Variants in GLI2 observed in about 807,000 individuals in gnomAD.
The protein encoded by GLI2 is transcription activator GLI2.
GLI2 carries 22 observed loss-of-function variants against 78.9 expected under a neutral mutation model. That is an observed-to-expected ratio of 0.28 (90% CI 0.20 to 0.40). The LOEUF (loss-of-function observed/expected upper bound fraction) is 0.40, where lower values mean the gene tolerates loss of function less well. GLI2 is among the 10% of genes least tolerant of loss of function. The pLI is 1.00. For missense variants in GLI2, 2,097 were observed against 2,213.2 expected (o/e 0.95, Z 1.05); for synonymous variants, 974 against 963.7 (o/e 1.01, Z -0.20).
At chr2:120,752,141 T>C (rs1325829787) in intron 1 of GLI2, among the ~76,000 whole-genome samples, 1 of 152,222 alleles carries the variant, frequency 6.6e-6, no homozygotes, top group Non-Finnish European at 1.5e-5. Context: ...ATCATACTAC[T>C]GCAGTGTTTG....
Position 120,797,414 on chromosome 2 carries a change from G to T in GLI2, c.94G>T (p.Ala32Ser), listed in dbSNP as rs1013531220. 4.3e-6 allele frequency: 7 copies of T among 1,614,072 alleles called. No homozygotes were observed. Among genetic ancestry groups the T allele is most frequent in the Non-Finnish European group, 5.1e-6 (6 of 1,179,964 alleles). ...TGGCTTCCCCGACCCGGGTAAAAAG[G>T]CCTCTCCTTTGGTGGTGGCTGCAGC... is the stretch of plus-strand genomic sequence containing the variant. Reference protein sequence around the residue: ...AAGFPDPGKKASPLVVAAAAA... With the variant: ...AAGFPDPGKKSSPLVVAAAAA... Residue 32 changes from alanine (A) to serine (S), a missense_variant, in exon 2 of 14, where the codon GCC becomes TCC. Transcript: ENST00000361492.
intron 2 of GLI2, among the ~76,000 whole-genome samples, chr2:120,916,574 G>A (rs917610438): frequency 6.6e-6 from 1 of 152,282 alleles, no homozygotes; most frequent in African/African-American, 2.4e-5. Context: ...AGCTGTGGCA[G>A]TGGCTTACAC....
intron 8 of GLI2, among the ~76,000 whole-genome samples, chr2:120,972,443 C>T (rs967480202): frequency 6.6e-5 from 10 of 152,192 alleles, no homozygotes; most frequent in Admixed American, 6.5e-5. Context: ...AGGCTGCTGT[C>T]GCTCTTGGAA....
At chr2:120,902,348 A>G (rs190739636) in intron 2 of GLI2, among the ~76,000 whole-genome samples, 606 of 152,258 alleles carry the variant, frequency 4.0e-3, no homozygotes, top group Non-Finnish European at 6.0e-3. Flanking sequence ...AGAAGAAGCA[A>G]TGGTGGTTAA....
intron 13 of GLI2, 56 bp from the exon 14 acceptor site, chr2:120,988,152 C>T: frequency 6.6e-7 from 1 of 1,506,190 alleles, no homozygotes; most frequent in Non-Finnish European, 8.9e-7. Context: ...TGAGCACGGT[C>T]AAAGCAAGCA....
intron 1 of GLI2, among the ~76,000 whole-genome samples, chr2:120,785,157 G>A (rs550964982): frequency 1.3e-5 from 2 of 152,294 alleles, no homozygotes; most frequent in East Asian, 1.9e-4. Context: ...CGATGAGGTG[G>A]CTGCCAGGAG....
intron 2 of GLI2, among the ~76,000 whole-genome samples, chr2:120,897,187 C>T (rs952061099): frequency 3.3e-5 from 5 of 152,222 alleles, no homozygotes; most frequent in African/African-American, 7.2e-5. Flanking sequence ...TGGTCTTGTC[C>T]GGGTCAGCCT....
At chr2:120,953,080 A>G (rs1681074877) in intron 4 of GLI2, among the ~76,000 whole-genome samples, 1 of 152,236 alleles carries the variant, frequency 6.6e-6, no homozygotes, top group Admixed American at 6.5e-5. Flanking sequence ...CTAATCCCCA[A>G]ACCTGTGGGT....
chr2:120,918,156 G>A (rs566466983), intron 2 of GLI2, among the ~76,000 whole-genome samples: 2 of 152,336 alleles, frequency 1.3e-5, no homozygotes, highest in African/African-American at 4.8e-5. Flanking sequence ...GAGCTGGGCT[G>A]GGTGGAGCCC....
At chr2:120,886,198 GTGTGTGTGTGTGCGTGTA>G (rs1387673020) in intron 2 of GLI2, among the ~76,000 whole-genome samples, 412 of 37,666 alleles carry the variant, frequency 0.011, 9 homozygotes, top group African/African-American at 0.089. Context: ...GTGTGTGTGT[GTGTGTGTGTGTGCGTGTA>G]TATTTTGGTT....
Position 120,825,653 on chromosome 2 carries a change from T to C in GLI2, c.148+28185T>C, listed in dbSNP as rs115174239. 1.8e-3 allele frequency among the ~76,000 whole-genome samples: 273 copies of C among 152,066 alleles called. 1 individual carries two copies. The highest frequency in any genetic ancestry group is 6.0e-3 in the African/African-American group (248 of 41,468). ...CTGTGAGCGTGCACCGGACTGTGAG[T>C]GTGCACCTGGCTGTAAGCTCCTTCT... On this transcript the variant is annotated intron_variant, in intron 2 of 13. Coordinates refer to ENST00000361492, the MANE Select transcript of GLI2 (RefSeq NM_001374353.1).
At chr2:120,963,454 T>TGC (rs925795010) in intron 5 of GLI2, among the ~76,000 whole-genome samples, 4 of 149,398 alleles carry the variant, frequency 2.7e-5, no homozygotes, top group African/African-American at 1.0e-4. Flanking sequence ...TGTGTGTGTG[T>TGC]GCGCGCACGC....
chr2:120,821,412 C>T (rs745799286), intron 2 of GLI2, among the ~76,000 whole-genome samples: 3 of 152,140 alleles, frequency 2.0e-5, no homozygotes, highest in Non-Finnish European at 2.9e-5. Flanking sequence ...GCAGATCCGG[C>T]GGACATTTAT....
chr2:120,955,294 A>C lies in GLI2; in HGVS notation c.507A>C (p.Pro169=). The stretch of plus-strand genomic sequence containing the variant: ...GGGGACTGTTTGGCCTTCCTGCTCC[A>C]GGCACCACCCCCTCAGACTATTACC... ...KERGLFGLPA[P]GTTPSDYYHQ... is the part of the protein sequence containing the mutation. Residue 169 remains proline (P), a synonymous_variant, in exon 5 of 14, where the codon CCA becomes CCC. Coordinates refer to ENST00000361492, the MANE Select transcript of GLI2 (RefSeq NM_001374353.1). The C allele has an allele frequency of 6.2e-7, 1 of 1,611,632 alleles. No individual in the cohort carries two copies. Among genetic ancestry groups the C allele is most frequent in the Non-Finnish European group, 8.5e-7 (1 of 1,179,012 alleles).
At chr2:120,944,812 A>C (rs1218461119) in intron 3 of GLI2, among the ~76,000 whole-genome samples, 1 of 152,238 alleles carries the variant, frequency 6.6e-6, no homozygotes, top group African/African-American at 2.4e-5. Context: ...TCTGCCTTGC[A>C]GGCTTGCTGG....
intron 10 of GLI2, among the ~76,000 whole-genome samples, chr2:120,981,268 GA>G (rs1682707606): frequency 6.6e-6 from 1 of 152,210 alleles, no homozygotes; most frequent in Non-Finnish European, 1.5e-5. Flanking sequence ...TCCATTTGCT[GA>G]AAAATTGTTC....
At chr2:120,968,972 G>C in intron 6 of GLI2, 57 bp downstream of exon 6, 2 of 1,399,018 alleles carry the variant, frequency 1.4e-6, no homozygotes. Flanking sequence ...AGGGCCCGGT[G>C]GGGAGGCGCT....
Position 120,895,113 on chromosome 2 carries a change from A to G in GLI2, c.149-32248A>G, listed in dbSNP as rs541489417. On this transcript the variant is annotated intron_variant, in intron 2 of 13. Transcript: ENST00000361492. ...TGGGCCACCAGGCTGTGGACACTGCATGGACCTCAGCCATCCCTGCAGGCT... is the reference window on the plus strand; with the variant it reads ...TGGGCCACCAGGCTGTGGACACTGCGTGGACCTCAGCCATCCCTGCAGGCT... Among the ~76,000 whole-genome samples the G allele has an allele frequency of 4.6e-5, 7 of 152,352 alleles. No homozygotes were observed. The East Asian group carries it at 1.2e-3, about 25-fold the overall frequency.
At chr2:120,925,154 T>C (rs1019257610) in intron 2 of GLI2, among the ~76,000 whole-genome samples, 1 of 152,200 alleles carries the variant, frequency 6.6e-6, no homozygotes, top group Non-Finnish European at 1.5e-5. Flanking sequence ...AAGGTTGTCC[T>C]TCCAGCACTT....
Sources: gnomAD v4.1 joint callset for allele counts (sites outside exome capture counted in the v4.1 genomes callset) on GRCh38, gnomAD v4.1.1 for gene constraint, MANE v1.5 for transcripts, NCBI Gene and HGNC (gene_info 2026-07-23, HGNC 2026-07-21) for gene names.